SPTLC3: variants seen among roughly 807,000 people sequenced by gnomAD.
SPTLC3 encodes serine palmitoyltransferase 3.
SPTLC3 carries 36 observed loss-of-function variants against 59.3 expected under a neutral mutation model. That is an observed-to-expected ratio of 0.61 (90% CI 0.47 to 0.80). SPTLC3 has a LOEUF of 0.80. Ranked by LOEUF, SPTLC3 falls within the 30% of genes least tolerant of loss-of-function variation. The probability of loss-of-function intolerance (pLI) is 0.00; values close to 1 mark genes in which losing one functional copy is unlikely to be tolerated. For synonymous variants in SPTLC3, 257 were observed against 240.8 expected (o/e 1.07, Z -0.62); for missense variants, 625 against 685.1 (o/e 0.91, Z 0.98).
intron 6 of SPTLC3, among the ~76,000 whole-genome samples, chr20:13,095,911 T>G (rs1989395536): frequency 6.6e-6 from 1 of 152,146 alleles, no homozygotes; most frequent in South Asian, 2.1e-4. Flanking sequence ...ATTCAGGCAC[T>G]ATGTTAGCCC....
chr20:13,164,629 T>C (rs1402805691), intron 11 of SPTLC3, 125 bp from the exon 12 acceptor site: 1 of 717,636 alleles, frequency 1.4e-6, no homozygotes, highest in Non-Finnish European at 2.3e-6. Context: ...TTCTTTTCTT[T>C]AAAATCAAAG....
chr20:13,018,034 C>G (rs1413670304), intron 1 of SPTLC3, among the ~76,000 whole-genome samples: 2 of 152,140 alleles, frequency 1.3e-5, no homozygotes, highest in Non-Finnish European at 2.9e-5. Flanking sequence ...AGATGCAGTA[C>G]CAACTTCTAA....
chr20:13,101,902 C>A (rs1279111332), intron 6 of SPTLC3, among the ~76,000 whole-genome samples: 1 of 152,148 alleles, frequency 6.6e-6, no homozygotes, highest in African/African-American at 2.4e-5. Context: ...CCTCGGTCCT[C>A]AAGTGAGTCA....
chr20:13,099,282 C>A (rs1310230823), intron 6 of SPTLC3, among the ~76,000 whole-genome samples: 2 of 152,160 alleles, frequency 1.3e-5, no homozygotes, highest in African/African-American at 4.8e-5. Flanking sequence ...ATGCAGGAAG[C>A]ATTTCCCTAG....
At position 13,071,535 on chromosome 20, in the gene SPTLC3, A is replaced by G. The variant is rs150719051; in HGVS notation, c.304-721A>G. Among the ~76,000 whole-genome samples the G allele has an allele frequency of 1.1e-4, 17 of 152,298 alleles. No homozygotes were observed. The East Asian group carries it at 2.9e-3, about 26-fold the overall frequency. ...TTTATTTTCACATTGAAAATCAGTC[A>G]GATTTGCTTCAGCCTCAAAGAGCAT... On this transcript the variant is annotated intron_variant, in intron 2 of 11. Coordinates refer to ENST00000399002, the MANE Select transcript of SPTLC3 (RefSeq NM_018327.4).
rs140098682 is a variant in SPTLC3, at chr20:13,152,982, G to A, written c.1280-1021G>A. On this transcript the variant is annotated intron_variant, in intron 9 of 11. Coordinates refer to ENST00000399002, the MANE Select transcript of SPTLC3 (RefSeq NM_018327.4). The stretch of plus-strand genomic sequence containing the variant: ...CTAGAGCAGAATCTCTGACCAGTTC[G>A]TCTGAACATCTCACCACTCAGAATG... Among the ~76,000 whole-genome samples, 189 of 152,286 alleles carry A rather than the reference G, an allele frequency of 1.2e-3. 1 individual carries two copies. The East Asian group carries it at 0.024, about 19-fold the overall frequency.
chr20:13,074,530 T>C (rs1422173172), intron 4 of SPTLC3, 33 bp downstream of exon 4: 1 of 1,586,098 alleles, frequency 6.3e-7, no homozygotes, highest in Non-Finnish European at 8.6e-7. Flanking sequence ...AACTTTTTGC[T>C]GTTAGGTCTC....
At chr20:13,037,411 T>C (rs142744142) in intron 1 of SPTLC3, among the ~76,000 whole-genome samples, 1 of 152,182 alleles carries the variant, frequency 6.6e-6, no homozygotes, top group South Asian at 2.1e-4. Flanking sequence ...CTGCATCGCA[T>C]AACAAACCCC....
rs992029411 is a variant in SPTLC3, at chr20:13,087,702, T to C, written c.608-3381T>C. On this transcript the variant is annotated intron_variant, in intron 4 of 11. Coordinates refer to ENST00000399002, the MANE Select transcript of SPTLC3 (RefSeq NM_018327.4). ...CTGACACTATGGCCATCTATGATAC[T>C]ATTGTCAGTATCTATGGAAGTCATG... Among the ~76,000 whole-genome samples, 7 of 152,206 alleles carry C rather than the reference T, an allele frequency of 4.6e-5. No homozygotes were observed. In the South Asian group the frequency reaches 1.0e-3, roughly 23 times the overall value.
intron 1 of SPTLC3, 106 bp downstream of exon 1, chr20:13,009,490 GT>G: frequency 9.8e-7 from 1 of 1,019,186 alleles, no homozygotes; most frequent in Non-Finnish European, 1.5e-6. Flanking sequence ...CTTATGAAGG[GT>G]TTTTACATGT....
Position 13,011,954 on chromosome 20 carries a change from T to C in SPTLC3, c.117+2570T>C, listed in dbSNP as rs972894789. Among the ~76,000 whole-genome samples the C allele has an allele frequency of 9.9e-5, 15 of 152,248 alleles. No homozygotes were observed. The South Asian group carries it at 3.1e-3, about 32-fold the overall frequency. On this transcript the variant is annotated intron_variant, in intron 1 of 11. Transcript: ENST00000399002. ...AAGTCTTAATCTATAAACTTGATATTTCTTATAATTTTTATTGAATTAAAA... is the reference window on the plus strand; with the variant it reads ...AAGTCTTAATCTATAAACTTGATATCTCTTATAATTTTTATTGAATTAAAA...
At chr20:13,071,757 G>A (rs541115544) in intron 2 of SPTLC3, among the ~76,000 whole-genome samples, 11 of 152,254 alleles carry the variant, frequency 7.2e-5, no homozygotes, top group South Asian at 2.1e-4. Context: ...AGAGAGGCCC[G>A]CTGCCTCCAC....
intron 9 of SPTLC3, among the ~76,000 whole-genome samples, chr20:13,141,815 G>A (rs1020085325): frequency 1.3e-5 from 2 of 152,144 alleles, no homozygotes; most frequent in African/African-American, 4.8e-5. Flanking sequence ...TTCAACTGAG[G>A]GCCTGCCTCA....
chr20:13,147,108 C>T lies in SPTLC3; in HGVS notation c.1280-6895C>T, dbSNP rs371051975. 3.3e-5 allele frequency among the ~76,000 whole-genome samples: 5 copies of T among 152,262 alleles called. No homozygotes were observed. In the South Asian group the frequency reaches 6.2e-4, roughly 19 times the overall value. On this transcript the variant is annotated intron_variant, in intron 9 of 11. Coordinates refer to ENST00000399002, the MANE Select transcript of SPTLC3 (RefSeq NM_018327.4). ...AGCCCTCGAAATCAGGCCATGCCGA[C>T]GGCTGCCCACCCCTGATGTCCAGCC...
intron 4 of SPTLC3, among the ~76,000 whole-genome samples, chr20:13,076,564 A>G (rs1988653223): frequency 6.6e-6 from 1 of 152,172 alleles, no homozygotes; most frequent in Non-Finnish European, 1.5e-5. Context: ...GAGGAAAGAT[A>G]GAAAACGAAA....
chr20:13,081,669 CA>C (rs1988846532), intron 4 of SPTLC3, among the ~76,000 whole-genome samples: 1 of 152,032 alleles, frequency 6.6e-6, no homozygotes, highest in Admixed American at 6.6e-5. Flanking sequence ...ATCAATGTAA[CA>C]AACACATTTT....
chr20:13,135,739 G>A (rs956218575), intron 9 of SPTLC3, among the ~76,000 whole-genome samples: 1 of 152,130 alleles, frequency 6.6e-6, no homozygotes, highest in African/African-American at 2.4e-5. Flanking sequence ...TATATGAACA[G>A]GCCAGTACTT....
chr20:13,110,722 A>G (rs906482560), intron 7 of SPTLC3, among the ~76,000 whole-genome samples: 1 of 152,080 alleles, frequency 6.6e-6, no homozygotes, highest in South Asian at 2.1e-4. Context: ...CTGGGGTGCA[A>G]TTCTTGTTCC....
intron 6 of SPTLC3, among the ~76,000 whole-genome samples, chr20:13,103,016 G>A (rs1989667986): frequency 6.6e-6 from 1 of 152,124 alleles, no homozygotes; most frequent in African/African-American, 2.4e-5. Context: ...CTTCCAAGAA[G>A]ATCCCTTTGC....
Sources: allele counts gnomAD v4.1 joint callset (sites outside exome capture counted in the v4.1 genomes callset), GRCh38; gene constraint gnomAD v4.1.1; transcripts MANE v1.5; gene names NCBI Gene and HGNC (gene_info 2026-07-23, HGNC 2026-07-21).